The following PLCB4 variants were observed in gnomAD, a reference collection of about 807,000 sequenced individuals.
PLCB4 encodes the protein phospholipase C beta 4.
Under a neutral mutation model 178.8 loss-of-function variants are expected in PLCB4, and 77 were observed. The observed-to-expected ratio is 0.43, with a 90% confidence interval of 0.36 to 0.52. PLCB4 has a LOEUF of 0.52. PLCB4 is among the 20% of genes least tolerant of loss of function. The pLI, the probability that PLCB4 is intolerant of heterozygous loss-of-function variation, is 0.00. For missense variants in PLCB4, 1,024 were observed against 1,453.4 expected, an observed-to-expected ratio of 0.70 and a Z score of 4.80; for synonymous variants, 496 against 490.8, an observed-to-expected ratio of 1.01 and a Z score of -0.14.
At chr20:9,326,776 CA>C (rs2147997208) in intron 4 of PLCB4, among the ~76,000 whole-genome samples, 1 of 152,222 alleles carries the variant, frequency 6.6e-6, no homozygotes, top group East Asian at 1.9e-4. Context: ...CAGGAACAAA[CA>C]GAAGATGACC....
chr20:9,095,715 T>A (rs1039265504), intron 1 of PLCB4, among the ~76,000 whole-genome samples: 5 of 152,198 alleles, frequency 3.3e-5, no homozygotes, highest in African/African-American at 1.2e-4. Context: ...TTTATTTAAA[T>A]TTTTATGTAG....
chr20:9,324,471 G>T (rs1430200315), intron 4 of PLCB4, among the ~76,000 whole-genome samples: 2 of 151,958 alleles, frequency 1.3e-5, no homozygotes, highest in African/African-American at 2.4e-5. Flanking sequence ...AAAAAGCCCT[G>T]GTAAATACTT....
At chr20:9,280,736 G>A (rs1048790425) in intron 3 of PLCB4, among the ~76,000 whole-genome samples, 2 of 151,912 alleles carry the variant, frequency 1.3e-5, no homozygotes, top group Non-Finnish European at 2.9e-5. Flanking sequence ...TACTGAATTG[G>A]AGGGAGATAC....
At chr20:9,117,789 C>T (rs966462272) in intron 2 of PLCB4, among the ~76,000 whole-genome samples, 2 of 152,152 alleles carry the variant, frequency 1.3e-5, no homozygotes, top group African/African-American at 4.8e-5. Context: ...GAACATTCTC[C>T]AGCTCATTAT....
At chr20:9,319,538 G>A (rs1198332825) in intron 4 of PLCB4, among the ~76,000 whole-genome samples, 2 of 152,126 alleles carry the variant, frequency 1.3e-5, no homozygotes, top group Non-Finnish European at 2.9e-5. Flanking sequence ...CTAGGAAAAC[G>A]AGTAGGGCAG....
At chr20:9,154,480 T>A (rs527432075) in intron 2 of PLCB4, among the ~76,000 whole-genome samples, 1 of 152,176 alleles carries the variant, frequency 6.6e-6, no homozygotes, top group Non-Finnish European at 1.5e-5. Flanking sequence ...AGGTGAATTT[T>A]GTTGGTGTGT....
intron 2 of PLCB4, among the ~76,000 whole-genome samples, chr20:9,106,330 G>A (rs537061680): frequency 3.4e-4 from 52 of 151,478 alleles, no homozygotes; most frequent in African/African-American, 1.2e-3. Flanking sequence ...TATATTTCTC[G>A]GTAACTAAAA....
chr20:9,170,438 TGAG>T (rs1403490216), intron 2 of PLCB4, among the ~76,000 whole-genome samples: 1 of 152,108 alleles, frequency 6.6e-6, no homozygotes, highest in Non-Finnish European at 1.5e-5. Context: ...AGATGGCTGG[TGAG>T]ATAACATAAA....
intron 39 of PLCB4, among the ~76,000 whole-genome samples, chr20:9,478,420 A>G (rs1020696454): frequency 1.3e-5 from 2 of 152,232 alleles, no homozygotes; most frequent in African/African-American, 4.8e-5. Context: ...TCTCACCTGA[A>G]CTTCTCTATC....
At chr20:9,194,370 C>T (rs1186997431) in intron 2 of PLCB4, among the ~76,000 whole-genome samples, 4 of 151,740 alleles carry the variant, frequency 2.6e-5, no homozygotes, top group African/African-American at 9.7e-5. Context: ...TCCTGTAAAA[C>T]ATAGTTTCAC....
chr20:9,144,181 G>A (rs2092549459), intron 2 of PLCB4, among the ~76,000 whole-genome samples: 1 of 152,068 alleles, frequency 6.6e-6, no homozygotes, highest in South Asian at 2.1e-4. Context: ...AGTTTAGTAA[G>A]TTTCTGAAGG....
chr20:9,384,171 A>C, intron 13 of PLCB4, 30 bp from the exon 14 acceptor site: 1 of 1,488,562 alleles, frequency 6.7e-7, no homozygotes, highest in Non-Finnish European at 9.4e-7. Flanking sequence ...CAGAGCTACA[A>C]GTGCTACTAA....
At chr20:9,179,118 C>A (rs1402085553) in intron 2 of PLCB4, among the ~76,000 whole-genome samples, 8 of 151,942 alleles carry the variant, frequency 5.3e-5, no homozygotes, top group African/African-American at 1.9e-4. Context: ...TTTTGAGGAC[C>A]ACAATTATGG....
At chr20:9,343,197 C>CT (rs889114737) in intron 7 of PLCB4, among the ~76,000 whole-genome samples, 50 of 145,590 alleles carry the variant, frequency 3.4e-4, no homozygotes, top group Middle Eastern at 3.6e-3. Context: ...ATTCATGAGT[C>CT]TTTTTTTTTT....
At chr20:9,390,035 C>T (rs2038012597) in intron 16 of PLCB4, 77 bp downstream of exon 16, 1 of 743,074 alleles carries the variant, frequency 1.3e-6, no homozygotes, top group Non-Finnish European at 2.3e-6. Context: ...TGCTCTACAA[C>T]TTTTTAAATA....
At chr20:9,181,235 A>G (rs1030395850) in intron 2 of PLCB4, among the ~76,000 whole-genome samples, 2 of 152,170 alleles carry the variant, frequency 1.3e-5, no homozygotes, top group Admixed American at 6.5e-5. Context: ...GTGCTGATCT[A>G]ATTCATTTCT....
At chr20:9,371,998 G>T (rs2036292803) in intron 10 of PLCB4, among the ~76,000 whole-genome samples, 2 of 152,186 alleles carry the variant, frequency 1.3e-5, no homozygotes, top group Non-Finnish European at 2.9e-5. Context: ...CCCTCAAGGT[G>T]AGTTGGAGGA....
intron 8 of PLCB4, 63 bp downstream of exon 8, chr20:9,363,038 G>T: frequency 8.5e-7 from 1 of 1,181,264 alleles, no homozygotes; most frequent in Non-Finnish European, 1.3e-6. Context: ...CAGATGAAGA[G>T]ATGAAGGCTA....
intron 1 of PLCB4, among the ~76,000 whole-genome samples, chr20:9,090,913 A>G: frequency 6.6e-6 from 1 of 152,212 alleles, no homozygotes; most frequent in African/African-American, 2.4e-5. Flanking sequence ...CTATTGCAAT[A>G]TACATGCAAT....
Sources: allele counts gnomAD v4.1 joint callset (sites outside exome capture counted in the v4.1 genomes callset), GRCh38; gene constraint gnomAD v4.1.1; transcripts MANE v1.5; gene names NCBI Gene and HGNC (gene_info 2026-07-23, HGNC 2026-07-21).